ADAMTSL1: variants seen among roughly 807,000 people sequenced by gnomAD.
The protein encoded by ADAMTSL1 is ADAMTS-like protein 1.
In ADAMTSL1, 126 loss-of-function variants were observed where a neutral mutation model predicts 201.8. The observed-to-expected ratio is 0.62, with a 90% CI of 0.54 to 0.72. ADAMTSL1 has a LOEUF of 0.72. Ranked by LOEUF, ADAMTSL1 falls within the 30% of genes least tolerant of loss-of-function variation. The pLI, the probability that ADAMTSL1 is intolerant of heterozygous loss-of-function variation, is 0.00. For missense variants in ADAMTSL1, 2,679 were observed against 2,277.8 expected (o/e 1.18, Z -3.59); for synonymous variants, 1,121 against 903.4 (o/e 1.24, Z -4.32).
chr9:18,292,034 G>C (rs577775499), intron 2 of ADAMTSL1, among the ~76,000 whole-genome samples: 1 of 152,214 alleles, frequency 6.6e-6, no homozygotes, highest in East Asian at 1.9e-4. Flanking sequence ...GAGAAGAACA[G>C]CAGAGCTGAG....
intron 26 of ADAMTSL1, among the ~76,000 whole-genome samples, chr9:18,902,862 T>C (rs1436768686): frequency 6.6e-6 from 1 of 152,052 alleles, no homozygotes; most frequent in Non-Finnish European, 1.5e-5. Context: ...AGACTCGAAT[T>C]CCTAAAATCA....
At chr9:18,816,512 C>T (rs1823857510) in intron 20 of ADAMTSL1, among the ~76,000 whole-genome samples, 1 of 152,184 alleles carries the variant, frequency 6.6e-6, no homozygotes, top group Non-Finnish European at 1.5e-5. Context: ...GCTGGGACTA[C>T]AGGCATGAGC....
At chr9:18,035,770 C>T (rs781211106) in intron 1 of ADAMTSL1, among the ~76,000 whole-genome samples, 2 of 152,100 alleles carry the variant, frequency 1.3e-5, no homozygotes, top group Non-Finnish European at 2.9e-5. Context: ...GTCTCATTGA[C>T]TATTTCGTTA....
chr9:18,032,746 A>G (rs770340010), intron 1 of ADAMTSL1, among the ~76,000 whole-genome samples: 1 of 152,142 alleles, frequency 6.6e-6, no homozygotes, highest in African/African-American at 2.4e-5. Context: ...GCCAATGCAA[A>G]TGTCTGTGGG....
intron 13 of ADAMTSL1, among the ~76,000 whole-genome samples, chr9:18,705,680 C>T (rs1027497917): frequency 1.3e-5 from 2 of 152,090 alleles, no homozygotes; most frequent in Admixed American, 6.5e-5. Context: ...GAATGTGTAA[C>T]GAACAAGACT....
chr9:18,504,775 T>A, intron 1 of ADAMTSL1, 54 bp from the exon 2 acceptor site: 1 of 1,613,532 alleles, frequency 6.2e-7, no homozygotes. Context: ...TTAGAACACA[T>A]GTTTCAGGGT....
chr9:18,068,341 TAAAAC>T (rs993794146), intron 1 of ADAMTSL1, among the ~76,000 whole-genome samples: 3 of 152,042 alleles, frequency 2.0e-5, no homozygotes, highest in African/African-American at 7.2e-5. Context: ...TAATACAAAT[TAAAAC>T]AATACAGTGT....
intron 2 of ADAMTSL1, among the ~76,000 whole-genome samples, chr9:18,393,523 T>C (rs927317717): frequency 2.6e-5 from 4 of 152,198 alleles, no homozygotes; most frequent in South Asian, 2.1e-4. Flanking sequence ...TCTTCTGATA[T>C]GTTGCATCAT....
At chr9:18,815,711 CAAAAAA>C (rs35926602) in intron 20 of ADAMTSL1, among the ~76,000 whole-genome samples, 7 of 67,934 alleles carry the variant, frequency 1.0e-4, no homozygotes, top group African/African-American at 3.8e-4. Context: ...AACCCTGTCT[CAAAAAA>C]AAAAAAAAAA....
intron 23 of ADAMTSL1, among the ~76,000 whole-genome samples, chr9:18,867,401 A>G (rs1827600981): frequency 6.6e-6 from 1 of 152,238 alleles, no homozygotes; most frequent in South Asian, 2.1e-4. Context: ...TGTAAAAGCA[A>G]TTGTTTAGAC....
intron 2 of ADAMTSL1, among the ~76,000 whole-genome samples, chr9:18,212,208 C>T (rs537570451): frequency 1.3e-5 from 2 of 152,220 alleles, no homozygotes; most frequent in South Asian, 2.1e-4. Flanking sequence ...TACTCCTGGT[C>T]CCCTTGAAGA....
Position 18,628,394 on chromosome 9 carries a change from G to A in ADAMTSL1, c.601+6025G>A, listed in dbSNP as rs553354689. Reference sequence around the variant, plus strand: ...TAAACCTTGTCAAAAATCTATTGCCGTTTCTCTGAGGGTCTGTTTCTGGAC... The same window carrying A: ...TAAACCTTGTCAAAAATCTATTGCCATTTCTCTGAGGGTCTGTTTCTGGAC... On this transcript the variant is annotated intron_variant, in intron 5 of 28. Transcript: ENST00000380548. 5.6e-4 allele frequency among the ~76,000 whole-genome samples: 85 copies of A among 152,140 alleles called. No homozygotes were observed. The South Asian group carries it at 0.012, about 22-fold the overall frequency.
At chr9:18,401,468 T>C (rs1405990927) in intron 2 of ADAMTSL1, among the ~76,000 whole-genome samples, 4 of 152,238 alleles carry the variant, frequency 2.6e-5, no homozygotes, top group African/African-American at 7.2e-5. Flanking sequence ...TAAGTACCAA[T>C]GCCTGCACCA....
At chr9:17,961,771 T>C (rs1448830032) in intron 1 of ADAMTSL1, among the ~76,000 whole-genome samples, 1 of 152,182 alleles carries the variant, frequency 6.6e-6, no homozygotes, top group Non-Finnish European at 1.5e-5. Context: ...TGTGGCCCTT[T>C]AATTTGAAGG....
At chr9:18,221,898 C>T (rs559226319) in intron 2 of ADAMTSL1, among the ~76,000 whole-genome samples, 7 of 152,060 alleles carry the variant, frequency 4.6e-5, no homozygotes, top group African/African-American at 1.7e-4. Context: ...GTTAGAATTT[C>T]CCACCATTAT....
At chr9:18,479,830 C>T (rs564372330) in intron 1 of ADAMTSL1, among the ~76,000 whole-genome samples, 53 of 152,214 alleles carry the variant, frequency 3.5e-4, no homozygotes, top group African/African-American at 1.2e-3. Flanking sequence ...GGGAAAAGTA[C>T]AAGTAGGAAG....
chr9:18,296,242 T>C (rs1833472492), intron 2 of ADAMTSL1, among the ~76,000 whole-genome samples: 1 of 152,170 alleles, frequency 6.6e-6, no homozygotes, highest in South Asian at 2.1e-4. Context: ...TAGGGACTGT[T>C]CTAGATTAAA....
chr9:18,319,197 A>G (rs1252647743), intron 2 of ADAMTSL1, among the ~76,000 whole-genome samples: 3 of 152,128 alleles, frequency 2.0e-5, no homozygotes, highest in Non-Finnish European at 2.9e-5. Flanking sequence ...TGAGACCCCA[A>G]CTCTATTTAA....
intron 2 of ADAMTSL1, among the ~76,000 whole-genome samples, chr9:18,270,363 A>G (rs942961410): frequency 6.6e-6 from 1 of 152,156 alleles, no homozygotes; most frequent in Non-Finnish European, 1.5e-5. Context: ...TTCCTGGGGA[A>G]CACAAACGTT....
Sources: allele counts gnomAD v4.1 joint callset (sites outside exome capture counted in the v4.1 genomes callset), GRCh38; gene constraint gnomAD v4.1.1; transcripts MANE v1.5; gene names NCBI Gene and HGNC (gene_info 2026-07-23, HGNC 2026-07-21).